Variants in NPRL3 observed in about 807,000 individuals in gnomAD.
The protein encoded by NPRL3 is GATOR1 complex protein NPRL3.
A neutral mutation model predicts 57.2 loss-of-function variants in NPRL3; 23 were observed. The ratio of observed to expected loss-of-function variants is 0.40; its 90% confidence interval spans 0.29 to 0.57. NPRL3 has a LOEUF of 0.57. NPRL3 is among the 20% of genes least tolerant of loss of function. The pLI is 0.42. For synonymous variants in NPRL3, 333 were observed against 321.1 expected (o/e 1.04, Z -0.39); for missense variants, 691 against 767.1 (o/e 0.90, Z 1.17).
chr16:97,443 G>C (rs1217926093), intron 9 of NPRL3, among the ~76,000 whole-genome samples: 1 of 113,060 alleles, frequency 8.8e-6, no homozygotes, highest in Non-Finnish European at 1.8e-5. Flanking sequence ...ATTTTTTGTA[G>C]AGACGGGGTT....
At chr16:108,589 T>C (rs1346919474) in intron 7 of NPRL3, among the ~76,000 whole-genome samples, 1 of 152,196 alleles carries the variant, frequency 6.6e-6, no homozygotes, top group Non-Finnish European at 1.5e-5. Context: ...TGGGGGCAGT[T>C]GCGGCTCACT....
chr16:104,045 T>C (rs535993710), intron 7 of NPRL3, among the ~76,000 whole-genome samples: 5 of 145,428 alleles, frequency 3.4e-5, no homozygotes, highest in African/African-American at 5.2e-5. Context: ...ACCTGGGAGG[T>C]AGAGGCGGAG....
intron 7 of NPRL3, among the ~76,000 whole-genome samples, chr16:108,014 G>A (rs1899610719): frequency 6.6e-6 from 1 of 152,116 alleles, no homozygotes; most frequent in African/African-American, 2.4e-5. Flanking sequence ...TCAAAGACAG[G>A]GTCAGACTAC....
chr16:135,065 T>C (rs1366352947), intron 2 of NPRL3, among the ~76,000 whole-genome samples: 2 of 152,032 alleles, frequency 1.3e-5, no homozygotes, highest in Non-Finnish European at 2.9e-5. Flanking sequence ...AGACAAAAAA[T>C]AGATCCAAGT....
At chr16:105,728 C>A (rs1596514942) in intron 7 of NPRL3, among the ~76,000 whole-genome samples, 1 of 152,216 alleles carries the variant, frequency 6.6e-6, no homozygotes, top group Non-Finnish European at 1.5e-5. Flanking sequence ...CGACCCCTAG[C>A]GGATGAGCTG....
chr16:85,632 C>G lies in NPRL3; in HGVS notation c.*1073G>C. The G allele has an allele frequency of 6.3e-7, 1 of 1,595,564 alleles. No individual in the cohort carries two copies. The highest frequency in any genetic ancestry group is 1.1e-5 in the South Asian group (1 of 90,310). ...TGGCTGGAGCGTGGTCCCCTGGAGC[C>G]CAGTGAGCCGGCTGTAGTGGCAGCA... is the stretch of plus-strand genomic sequence containing the variant. On this transcript the variant is annotated 3_prime_UTR_variant, in exon 14 of 14. Coordinates refer to ENST00000611875, the MANE Select transcript of NPRL3 (RefSeq NM_001077350.3).
At chr16:120,045 G>A (rs11866877) in intron 3 of NPRL3, among the ~76,000 whole-genome samples, 53,105 of 151,882 alleles carry the variant, frequency 0.35, 10,338 homozygotes, top group Non-Finnish European at 0.45. Context: ...GGGGAGATCT[G>A]GATAAGGGAG....
intron 6 of NPRL3, among the ~76,000 whole-genome samples, chr16:111,937 C>CA (rs1899833058): frequency 6.6e-6 from 1 of 152,196 alleles, no homozygotes; most frequent in Non-Finnish European, 1.5e-5. Flanking sequence ...GAGTTTGTTA[C>CA]AGGTGTCTCT....
chr16:136,164 G>A (rs1427892047), intron 2 of NPRL3, among the ~76,000 whole-genome samples: 1 of 152,166 alleles, frequency 6.6e-6, no homozygotes, highest in Non-Finnish European at 1.5e-5. Flanking sequence ...TGGAAAGAAC[G>A]TTTGAACTTT....
At position 86,248 on chromosome 16, in the gene NPRL3, A is replaced by C; in HGVS notation, c.*457T>G. On this transcript the variant is annotated 3_prime_UTR_variant, in exon 14 of 14. Transcript: ENST00000611875. ...GGTGCTGGGGAGGGGGCCACAGGGC[A>C]CTTCACAAATAGAAGGCTGTCAGAG... 5.4e-6 allele frequency: 1 copy of C among 185,240 alleles called. No individual in the cohort carries two copies. Among genetic ancestry groups the C allele is most frequent in the Admixed American group, 5.6e-5 (1 of 17,856 alleles). The allele number at this position is 185,240 out of a possible 1,614,324, so 11.5% of individuals were successfully genotyped here. A position where few individuals can be genotyped will look rare whatever the true frequency, so the allele number is the denominator to read the frequency against.
chr16:95,300 A>G (rs1898939333), intron 9 of NPRL3, among the ~76,000 whole-genome samples: 1 of 148,772 alleles, frequency 6.7e-6, no homozygotes, highest in Non-Finnish European at 1.5e-5. Context: ...TAATTTTCAT[A>G]ATACAAAATA....
At chr16:97,579 C>T (rs1225374713) in intron 9 of NPRL3, among the ~76,000 whole-genome samples, 5 of 151,986 alleles carry the variant, frequency 3.3e-5, no homozygotes, top group Middle Eastern at 3.2e-3. Context: ...GGCTGAGGGG[C>T]CCTCCATCTA....
intron 5 of NPRL3, among the ~76,000 whole-genome samples, chr16:116,802 C>A (rs775741113): frequency 7.2e-6 from 1 of 138,066 alleles, no homozygotes; most frequent in Non-Finnish European, 1.6e-5. Flanking sequence ...CCCCCCCCAC[C>A]GATCTCTACT....
At chr16:128,363 T>A (rs937222592) in intron 3 of NPRL3, among the ~76,000 whole-genome samples, 1 of 152,230 alleles carries the variant, frequency 6.6e-6, no homozygotes, top group Non-Finnish European at 1.5e-5. Context: ...GTCCTCACTT[T>A]TCTAAGGCAG....
At chr16:126,558 C>A (rs1263101610) in intron 3 of NPRL3, among the ~76,000 whole-genome samples, 1 of 152,086 alleles carries the variant, frequency 6.6e-6, no homozygotes, top group African/African-American at 2.4e-5. Context: ...AAGCACTGCT[C>A]GCAGTTTCAA....
At chr16:130,296 C>A (rs186666081) in intron 3 of NPRL3, among the ~76,000 whole-genome samples, 1 of 152,208 alleles carries the variant, frequency 6.6e-6, no homozygotes. Context: ...ACCTGCTTCA[C>A]CCACCAGACA....
chr16:130,446 T>G, intron 3 of NPRL3, 76 bp downstream of exon 3: 1 of 1,394,434 alleles, frequency 7.2e-7, no homozygotes, highest in Non-Finnish European at 9.8e-7. Context: ...AACATCTGGG[T>G]GAATAGGAGG....
chr16:107,173 A>G (rs1423421763), intron 7 of NPRL3, among the ~76,000 whole-genome samples: 1 of 152,208 alleles, frequency 6.6e-6, no homozygotes, highest in Non-Finnish European at 1.5e-5. Flanking sequence ...AGCCTTTTTC[A>G]GCAAAACTCA....
At position 86,668 on chromosome 16, in the gene NPRL3, C is replaced by G. The variant is rs1353321451; in HGVS notation, c.*37G>C. Reference sequence around the variant, plus strand: ...GGGGTGGGGAGACGCGAGCGCCCACCTGCGCACCCCAGCAGCCTTCCGCCC... The same window carrying G: ...GGGGTGGGGAGACGCGAGCGCCCACGTGCGCACCCCAGCAGCCTTCCGCCC... On this transcript the variant is annotated 3_prime_UTR_variant, in exon 14 of 14. Transcript: ENST00000611875. 6.6e-7 allele frequency: 1 copy of G among 1,525,866 alleles called. No homozygotes were observed. Among genetic ancestry groups the G allele is most frequent in the Admixed American group, 2.0e-5 (1 of 50,362 alleles). 94.5% of individuals were successfully genotyped at this position (1,525,866 alleles called of 1,614,324 possible).
Sources: allele counts gnomAD v4.1 joint callset (sites outside exome capture counted in the v4.1 genomes callset), GRCh38; gene constraint gnomAD v4.1.1; transcripts MANE v1.5; gene names NCBI Gene and HGNC (gene_info 2026-07-23, HGNC 2026-07-21).